The following PPP1R16A variants were observed in gnomAD, a reference collection of about 807,000 sequenced individuals.
PPP1R16A encodes the protein protein phosphatase 1 regulatory subunit 16A.
PPP1R16A carries 39 observed loss-of-function variants against 46.6 expected under a neutral mutation model. That is an observed-to-expected ratio of 0.84 (90% confidence interval 0.65 to 1.09). The LOEUF (loss-of-function observed/expected upper bound fraction) is 1.09. Among genes scored for constraint, PPP1R16A ranks in the 50% least tolerant of loss-of-function variants. The pLI is 0.00. For missense variants in PPP1R16A, 798 were observed against 735.6 expected (o/e 1.08, Z -0.98); for synonymous variants, 413 against 321.5 (o/e 1.28, Z -3.04).
Position 144,500,703 on chromosome 8 carries a change from G to A in PPP1R16A, c.849G>A (p.Leu283=). ...AYWGQVPLVE[L]LVAHGADLNA... is the part of the protein sequence containing the mutation. ...GTCCACAGGTGCCCCTGGTGGAGCTGCTCGTGGCGCACGGGGCCGACCTGA... is the reference window on the plus strand; with the variant it reads ...GTCCACAGGTGCCCCTGGTGGAGCTACTCGTGGCGCACGGGGCCGACCTGA... The change falls in exon 9 of 12, where the codon CTG becomes CTA. Residue 283 remains leucine, a synonymous_variant. Transcript: ENST00000435887. 1 of 1,611,450 alleles carries A rather than the reference G, an allele frequency of 6.2e-7. No individual in the cohort carries two copies.
rs113937787 is a variant in PPP1R16A, at chr8:144,491,926, T to C, written c.-735+1714T>C. On this transcript the variant is annotated intron_variant, in intron 2 of 11. Coordinates refer to ENST00000435887, the MANE Select transcript of PPP1R16A (RefSeq NM_001329443.2). ...CAGCCTGGGCAATAGAGTGAGACCC[T>C]GTCTCTTAAAAAACATAATAAAAAA... is the stretch of plus-strand genomic sequence containing the variant. Among the ~76,000 whole-genome samples, 1,077 of 152,312 alleles carry C rather than the reference T, an allele frequency of 7.1e-3. 15 individuals are homozygous for C. Among genetic ancestry groups the C allele is most frequent in the Middle Eastern group, 0.017 (5 of 294 alleles).
rs115230836 is a variant in PPP1R16A, at chr8:144,499,067, G to A, written c.476+6G>A. The A allele has an allele frequency of 4.6e-3, 7,275 of 1,568,244 alleles. 212 individuals carry two copies. In the African/African-American group the frequency reaches 0.068, roughly 15 times the overall value. On this transcript the variant is annotated splice_donor_region_variant and intron_variant, in intron 5 of 11. Transcript: ENST00000435887. ...GTGGAGCTGCTCATCGCCAGGTAGG[G>A]CCTGTTGGGCGTCCTTGGCAGGGAG...
chr8:144,498,714 T>C, intron 3 of PPP1R16A, 56 bp from the exon 4 acceptor site: 2 of 1,508,444 alleles, frequency 1.3e-6, no homozygotes, highest in East Asian at 4.6e-5. Context: ...CGAAGCACAG[T>C]TGACAGGACC....
chr8:144,481,565 A>G (rs1211629836), intron 1 of PPP1R16A, among the ~76,000 whole-genome samples: 1 of 151,814 alleles, frequency 6.6e-6, no homozygotes, highest in East Asian at 2.0e-4. Context: ...AATCCCTTGA[A>G]CGTGGGAGGC....
At chr8:144,499,305 GGCCCC>G in intron 5 of PPP1R16A, 4 of 559,684 alleles carry the variant, frequency 7.1e-6, no homozygotes. Context: ...GCAGGCCTCG[GGCCCC>G]CCCCCAGAGT....
At chr8:144,492,570 C>G (rs1455645095) in intron 2 of PPP1R16A, among the ~76,000 whole-genome samples, 2 of 152,060 alleles carry the variant, frequency 1.3e-5, no homozygotes, top group Non-Finnish European at 2.9e-5. Flanking sequence ...CTCCTGACCT[C>G]GTGATCTGCC....
chr8:144,485,526 GA>G (rs201794926), intron 1 of PPP1R16A, among the ~76,000 whole-genome samples: 60 of 142,224 alleles, frequency 4.2e-4, no homozygotes, highest in African/African-American at 1.1e-3. Flanking sequence ...TCCATCTCGG[GA>G]AAAAAAAAAA....
chr8:144,494,513 G>T (rs538915564), intron 2 of PPP1R16A, among the ~76,000 whole-genome samples: 2 of 152,200 alleles, frequency 1.3e-5, no homozygotes, highest in Admixed American at 6.5e-5. Context: ...TTACCCTGCT[G>T]CCCAGGCTGG....
chr8:144,487,242 A>G (rs1825654881), intron 1 of PPP1R16A, among the ~76,000 whole-genome samples: 1 of 152,000 alleles, frequency 6.6e-6, no homozygotes, highest in Non-Finnish European at 1.5e-5. Context: ...AGCCTCCCGA[A>G]GTGCTGGGAT....
chr8:144,500,051 C>T lies in PPP1R16A; in HGVS notation c.477-45C>T, dbSNP rs760773202. The T allele has an allele frequency of 2.5e-4, 382 of 1,557,024 alleles. 1 individual carries two copies. The highest frequency in any genetic ancestry group is 4.1e-5 in the African/African-American group (3 of 73,434). The stretch of plus-strand genomic sequence containing the variant: ...TTCTCCAAGTGAGGAGCCTGGCAAG[C>T]GGGGAAGGGCCTTGTGCCCAGCACC... On this transcript the variant is annotated intron_variant, in intron 5 of 11. Transcript: ENST00000435887.
chr8:144,480,879 G>T (rs1445828491), intron 1 of PPP1R16A, among the ~76,000 whole-genome samples: 1 of 151,790 alleles, frequency 6.6e-6, no homozygotes, highest in African/African-American at 2.4e-5. Flanking sequence ...TTTGTTTAAT[G>T]GGTTTTGTTT....
At chr8:144,481,804 G>C (rs992769609) in intron 1 of PPP1R16A, among the ~76,000 whole-genome samples, 6 of 152,056 alleles carry the variant, frequency 3.9e-5, no homozygotes, top group African/African-American at 1.4e-4. Flanking sequence ...TTGAGACAGA[G>C]TCTTGCTCTG....
At chr8:144,491,003 G>T (rs1825791782) in intron 2 of PPP1R16A, among the ~76,000 whole-genome samples, 1 of 152,042 alleles carries the variant, frequency 6.6e-6, no homozygotes, top group African/African-American at 2.4e-5. Flanking sequence ...AGGCTGCAGT[G>T]AGCTGTGACG....
At chr8:144,499,305 G>A (rs1377764142) in intron 5 of PPP1R16A, 4 of 559,566 alleles carry the variant, frequency 7.1e-6, no homozygotes, top group Non-Finnish European at 1.2e-5. Flanking sequence ...GCAGGCCTCG[G>A]GCCCCCCCCC....
intron 1 of PPP1R16A, chr8:144,479,223 C>G (rs947668384): frequency 6.6e-6 from 1 of 152,620 alleles, no homozygotes; most frequent in Non-Finnish European, 1.5e-5. Flanking sequence ...CGGCGGCGTG[C>G]GGCTGGGTTG....
At chr8:144,501,494 G>T (rs1826473870) in intron 11 of PPP1R16A, 26 bp from the exon 12 acceptor site, 5 of 1,508,206 alleles carry the variant, frequency 3.3e-6, no homozygotes, top group Non-Finnish European at 4.4e-6. Flanking sequence ...GCCTCCTGAT[G>T]GCTCTGGGAC....
At position 144,500,964 on chromosome 8, in the gene PPP1R16A, A is replaced by C; in HGVS notation, c.1030A>C (p.Ser344Arg). Residue 344 changes from serine to arginine, a missense_variant, in exon 10 of 12, where the codon AGC (serine) becomes CGC (arginine). By Grantham distance (110) the Ser-to-Arg change is moderately radical. Coordinates refer to ENST00000435887, the MANE Select transcript of PPP1R16A (RefSeq NM_001329443.2). ...LLRRRTSSAGSRGKVVRRVSL... is the reference protein window; with the variant it reads ...LLRRRTSSAGRRGKVVRRVSL... Reference sequence around the variant, plus strand: ...GCGCCGCCGCACCTCCAGCGCCGGCAGCCGCGGGTGAGCGCCGCCCCCAGC... The same window carrying C: ...GCGCCGCCGCACCTCCAGCGCCGGCCGCCGCGGGTGAGCGCCGCCCCCAGC... 1 of 1,472,338 alleles carries C rather than the reference A, an allele frequency of 6.8e-7. No individual in the cohort carries two copies. The highest frequency in any genetic ancestry group is 8.9e-7 in the Non-Finnish European group (1 of 1,120,834). The allele number at this position is 1,472,338 out of a possible 1,614,324, so 91.2% of individuals were successfully genotyped here.
At chr8:144,499,827 T>G in intron 5 of PPP1R16A, 1 of 453,928 alleles carries the variant, frequency 2.2e-6, no homozygotes. Context: ...GCCCATCCAA[T>G]GCATGTTTAT....
chr8:144,499,877 C>G, intron 5 of PPP1R16A: 1 of 557,298 alleles, frequency 1.8e-6, no homozygotes, highest in Non-Finnish European at 3.2e-6. Context: ...GAACCTGGAT[C>G]CCTGGATGGA....
Sources: allele counts gnomAD v4.1 joint callset (sites outside exome capture counted in the v4.1 genomes callset), GRCh38; gene constraint gnomAD v4.1.1; transcripts MANE v1.5; gene names NCBI Gene and HGNC (gene_info 2026-07-23, HGNC 2026-07-21).